Variants in PPP2R3A observed in about 807,000 individuals in gnomAD.
The protein encoded by PPP2R3A is protein phosphatase 2 regulatory subunit B''alpha.
Under a neutral mutation model 106.9 loss-of-function variants are expected in PPP2R3A, and 80 were observed. That is an observed-to-expected ratio of 0.75 (90% CI 0.62 to 0.90). The LOEUF (loss-of-function observed/expected upper bound fraction) is 0.90. Among genes scored for constraint, PPP2R3A ranks in the 40% least tolerant of loss-of-function variants. The probability of loss-of-function intolerance (pLI) is 0.00; values close to 1 mark genes in which losing one functional copy is unlikely to be tolerated. For synonymous variants in PPP2R3A, 483 were observed against 468.3 expected (o/e 1.03, Z -0.41); for missense variants, 1,386 against 1,350.4 (o/e 1.03, Z -0.41).
chr3:136,142,287 C>T (rs1048911188), intron 13 of PPP2R3A, among the ~76,000 whole-genome samples: 1 of 152,106 alleles, frequency 6.6e-6, no homozygotes, highest in South Asian at 2.1e-4. Context: ...CTGCACTCTA[C>T]CCACTAGATG....
chr3:136,011,998 C>A (rs1934102933), intron 2 of PPP2R3A, among the ~76,000 whole-genome samples: 1 of 151,446 alleles, frequency 6.6e-6, no homozygotes, highest in African/African-American at 2.4e-5. Flanking sequence ...CACACATACA[C>A]ACACACACAC....
chr3:135,974,494 T>C (rs1559846438), intron 1 of PPP2R3A, among the ~76,000 whole-genome samples: 1 of 152,226 alleles, frequency 6.6e-6, no homozygotes, highest in Non-Finnish European at 1.5e-5. Flanking sequence ...CCCTACATAA[T>C]CTGAACTCCT....
intron 5 of PPP2R3A, among the ~76,000 whole-genome samples, chr3:136,054,462 T>C (rs1935793079): frequency 6.6e-6 from 1 of 152,120 alleles, no homozygotes; most frequent in African/African-American, 2.4e-5. Context: ...TTTCATCATG[T>C]TGGCCAGGAT....
chr3:135,997,288 C>T (rs775842405), intron 1 of PPP2R3A, among the ~76,000 whole-genome samples: 4 of 152,112 alleles, frequency 2.6e-5, no homozygotes, highest in Non-Finnish European at 5.9e-5. Context: ...TTTGTTTTTC[C>T]TGGACCTCTT....
intron 3 of PPP2R3A, among the ~76,000 whole-genome samples, chr3:136,032,555 T>A (rs1934936973): frequency 6.6e-6 from 1 of 150,812 alleles, no homozygotes; most frequent in African/African-American, 2.4e-5. Flanking sequence ...TGAGACGGAG[T>A]CTCGCTCTGT....
At chr3:136,137,631 T>C (rs912938247) in intron 13 of PPP2R3A, among the ~76,000 whole-genome samples, 2 of 141,382 alleles carry the variant, frequency 1.4e-5, no homozygotes, top group African/African-American at 5.2e-5. Flanking sequence ...AAGCTCCGCC[T>C]CCCAGGTTCA....
chr3:135,995,966 T>C (rs932538736), intron 1 of PPP2R3A, among the ~76,000 whole-genome samples: 7 of 152,218 alleles, frequency 4.6e-5, no homozygotes, highest in Admixed American at 1.3e-4. Context: ...ACGCATTTCT[T>C]AAAAGAGTGT....
chr3:136,102,863 AAAG>A (rs953888035), intron 11 of PPP2R3A, among the ~76,000 whole-genome samples: 6 of 152,066 alleles, frequency 3.9e-5, no homozygotes, highest in African/African-American at 7.2e-5. Context: ...TTGGGGGATG[AAAG>A]AAGATTTTTC....
At chr3:135,997,853 T>C (rs1012657327) in intron 1 of PPP2R3A, among the ~76,000 whole-genome samples, 3 of 152,194 alleles carry the variant, frequency 2.0e-5, no homozygotes, top group African/African-American at 4.8e-5. Context: ...TCATCACTTC[T>C]TGCATGGATT....
intron 13 of PPP2R3A, among the ~76,000 whole-genome samples, chr3:136,142,372 C>CG (rs1938913551): frequency 6.6e-6 from 1 of 152,070 alleles, no homozygotes; most frequent in Non-Finnish European, 1.5e-5. Flanking sequence ...CCCCTGGCGG[C>CG]GGGGGACAAA....
intron 13 of PPP2R3A, among the ~76,000 whole-genome samples, chr3:136,122,794 A>G (rs977059917): frequency 2.0e-5 from 3 of 152,210 alleles, no homozygotes; most frequent in Admixed American, 6.5e-5. Context: ...TAAATTGTCA[A>G]ATCTCTCAAT....
chr3:135,986,599 C>G (rs1037595194), intron 1 of PPP2R3A, among the ~76,000 whole-genome samples: 2 of 151,998 alleles, frequency 1.3e-5, no homozygotes, highest in Non-Finnish European at 2.9e-5. Flanking sequence ...ACCTCCTCCC[C>G]ACTCTTCGCT....
intron 5 of PPP2R3A, among the ~76,000 whole-genome samples, chr3:136,054,872 G>T (rs1935809664): frequency 6.6e-6 from 1 of 152,150 alleles, no homozygotes; most frequent in African/African-American, 2.4e-5. Flanking sequence ...GCAAAGAAAT[G>T]CATTAATTCA....
intron 2 of PPP2R3A, among the ~76,000 whole-genome samples, chr3:136,021,222 T>C (rs1934453757): frequency 6.6e-6 from 1 of 151,860 alleles, no homozygotes; most frequent in Admixed American, 6.6e-5. Context: ...GTCGGGAGTG[T>C]AAGGAAAAAA....
chr3:136,079,703 G>A (rs1438830283), intron 7 of PPP2R3A, among the ~76,000 whole-genome samples: 2 of 151,234 alleles, frequency 1.3e-5, no homozygotes, highest in Non-Finnish European at 2.9e-5. Flanking sequence ...CACCATGCCT[G>A]GCCTAATCCA....
intron 2 of PPP2R3A, among the ~76,000 whole-genome samples, chr3:136,017,451 G>A (rs1934316860): frequency 6.6e-6 from 1 of 152,182 alleles, no homozygotes; most frequent in Non-Finnish European, 1.5e-5. Flanking sequence ...TAAAAATTGA[G>A]ATAAAATTCA....
chr3:136,002,330 T>G lies in PPP2R3A; in HGVS notation c.832T>G (p.Tyr278Asp), dbSNP rs1424033782. Residue 278 changes from tyrosine (Y) to aspartate (D), a missense_variant, in exon 2 of 14, where the codon TAT (tyrosine) becomes GAT (aspartate). Physicochemically the swap from Tyr to Asp is radical, Grantham distance 160. Coordinates refer to ENST00000264977, the MANE Select transcript of PPP2R3A (RefSeq NM_002718.5). ...TACAATTTCTAGCTCTGAAACTGTC[T>G]ATATGAATGTAATGACCAGGTTAGC... ...NDTISSSETVYMNVMTRLASY... is the reference protein window; with the variant it reads ...NDTISSSETVDMNVMTRLASY... 5 of 1,613,628 alleles carry G rather than the reference T, an allele frequency of 3.1e-6. No homozygotes were observed. Among genetic ancestry groups the G allele is most frequent in the Non-Finnish European group, 4.2e-6 (5 of 1,179,726 alleles).
chr3:136,115,785 G>T (rs1937727269), intron 13 of PPP2R3A, among the ~76,000 whole-genome samples: 4 of 152,122 alleles, frequency 2.6e-5, no homozygotes, highest in Admixed American at 2.6e-4. Flanking sequence ...GAACCTGAAA[G>T]TGACGGGGAG....
chr3:135,988,611 A>T (rs149308284), intron 1 of PPP2R3A, among the ~76,000 whole-genome samples: 2 of 151,920 alleles, frequency 1.3e-5, no homozygotes, highest in Middle Eastern at 3.2e-3. Flanking sequence ...TGGCATTCTC[A>T]CTCTTGCTAA....
Sources: allele counts gnomAD v4.1 joint callset (sites outside exome capture counted in the v4.1 genomes callset), GRCh38; gene constraint gnomAD v4.1.1; transcripts MANE v1.5; gene names NCBI Gene and HGNC (gene_info 2026-07-23, HGNC 2026-07-21).